Variants in INO80E observed in about 807,000 individuals in gnomAD.
INO80E encodes the protein INO80 complex subunit E, also known as coiled-coil domain containing 95.
In INO80E, 20 loss-of-function variants were observed where a neutral mutation model predicts 27.3. The observed-to-expected ratio is 0.73, with a 90% CI of 0.51 to 1.06. The LOEUF (loss-of-function observed/expected upper bound fraction) is 1.06, where lower values mean the gene tolerates loss of function less well. INO80E is among the 50% of genes least tolerant of loss of function. The pLI, the probability that INO80E is intolerant of heterozygous loss-of-function variation, is 0.00. For synonymous variants in INO80E, 167 were observed against 145.9 expected (o/e 1.14, Z -1.04); for missense variants, 357 against 322.8 (o/e 1.11, Z -0.81).
chr16:29,999,749 C>T (rs1355124440), intron 3 of INO80E, among the ~76,000 whole-genome samples: 1 of 152,136 alleles, frequency 6.6e-6, no homozygotes, highest in African/African-American at 2.4e-5. Flanking sequence ...TACATTGAAG[C>T]CAGATTAAGC....
Position 29,996,623 on chromosome 16 carries a change from G to A in INO80E, c.152+6G>A. On this transcript the variant is annotated splice_donor_region_variant and intron_variant, in intron 2 of 6. Transcript: ENST00000563197. Reference sequence around the variant, plus strand: ...AAGGTGTCCCGGGACAAGAGGTGAGGCACGTTGCAGGGGCGGAGGGCGATG... The same window carrying A: ...AAGGTGTCCCGGGACAAGAGGTGAGACACGTTGCAGGGGCGGAGGGCGATG... The A allele has an allele frequency of 6.3e-7, 1 of 1,581,604 alleles. No homozygotes were observed.
chr16:29,997,189 T>C (rs1475974489), intron 3 of INO80E, among the ~76,000 whole-genome samples: 2 of 152,160 alleles, frequency 1.3e-5, no homozygotes, highest in Non-Finnish European at 2.9e-5. Flanking sequence ...TTGAAGGTAA[T>C]GAAAACAGTT....
chr16:29,996,431 G>A, intron 1 of INO80E, 40 bp downstream of exon 1: 2 of 1,560,970 alleles, frequency 1.3e-6, no homozygotes, highest in Non-Finnish European at 1.7e-6. Flanking sequence ...GATGAGGCCT[G>A]GCGCGGACAA....
In INO80E at chr16:30,005,727, A is replaced by G; in HGVS notation, c.*285A>G. Reference sequence around the variant, plus strand: ...AGACCCTGCAATGGCCACCTCTTTAAAAGGGCAGCTGTACAGGGCTAGGTT... The same window carrying G: ...AGACCCTGCAATGGCCACCTCTTTAGAAGGGCAGCTGTACAGGGCTAGGTT... On this transcript the variant is annotated 3_prime_UTR_variant, in exon 7 of 7. Transcript: ENST00000563197. The G allele has an allele frequency of 2.0e-6, 1 of 511,946 alleles. No homozygotes were observed. Among genetic ancestry groups the G allele is most frequent in the Non-Finnish European group, 3.4e-6 (1 of 291,218 alleles). The allele number at this position is 511,946 out of a possible 1,614,324, so 31.7% of individuals were successfully genotyped here. A position where few individuals can be genotyped will look rare whatever the true frequency, so the allele number is the denominator to read the frequency against.
In INO80E at chr16:30,001,431, C is replaced by A. The variant is rs1445050817; in HGVS notation, c.414C>A (p.Tyr138Ter). ...GCCCGCAGCTGGCCTCCTCCCGCTA[C>A]CCCCCATTCCCTTCTGACTACCTGG... ...PYLSSLASSR[Y>*]PPFPSDYLAL... Residue 138 changes from tyrosine (Y) to a stop codon, truncating the protein, a stop_gained, in exon 6 of 7, where the codon TAC becomes TAA. Coordinates refer to ENST00000563197, the MANE Select transcript of INO80E (RefSeq NM_173618.3). LOFTEE classifies it high-confidence loss of function. 1.2e-6 allele frequency: 2 copies of A among 1,607,362 alleles called. No individual in the cohort carries two copies. Among genetic ancestry groups the A allele is most frequent in the Non-Finnish European group, 1.7e-6 (2 of 1,176,508 alleles).
chr16:29,997,214 A>C (rs1470420301), intron 3 of INO80E, among the ~76,000 whole-genome samples: 2 of 152,146 alleles, frequency 1.3e-5, no homozygotes, highest in Non-Finnish European at 2.9e-5. Flanking sequence ...GGTAATGATT[A>C]TAGTAGAACA....
chr16:29,996,931 CT>C, intron 3 of INO80E, 71 bp downstream of exon 3: 4 of 1,482,422 alleles, frequency 2.7e-6, no homozygotes, highest in Non-Finnish European at 3.8e-6. Flanking sequence ...GGGCCCCCGC[CT>C]TTTAGGCAGT....
At position 29,996,575 on chromosome 16, in the gene INO80E, G is replaced by A; in HGVS notation, c.110G>A (p.Arg37Lys). The change falls in exon 2 of 7, where the codon AGG becomes AAG. Residue 37 changes from arginine to lysine, a missense_variant. Arg to Lys is a conservative substitution (Grantham distance 26, BLOSUM62 2). Transcript: ENST00000563197. ...YEHECFQEEL[R>K]KAQRKLLKVS... ...CACGAGTGCTTCCAGGAGGAGCTGA[G>A]GAAAGCGCAAAGGAAATTACTGAAG... 6.4e-7 allele frequency: 1 copy of A among 1,573,864 alleles called. No individual in the cohort carries two copies. Among genetic ancestry groups the A allele is most frequent in the Non-Finnish European group, 8.6e-7 (1 of 1,159,716 alleles).
rs1001508254 is a variant in INO80E at position 30,001,116 on chromosome 16, G to A, written c.396+76G>A. 8.1e-5 allele frequency: 120 copies of A among 1,477,798 alleles called. No homozygotes were observed. The Middle Eastern group carries it at 1.1e-3, about 13-fold the overall frequency. 91.5% of individuals were successfully genotyped at this position (1,477,798 alleles called of 1,614,324 possible). A position where few individuals can be genotyped will look rare whatever the true frequency, so the allele number is the denominator to read the frequency against. ...TTGGGCAGAAGGGCTGGGCCTCGGG[G>A]CAAGGCCAGCCCAACTTTGGGGACA... On this transcript the variant is annotated intron_variant, in intron 5 of 6. Coordinates refer to ENST00000563197, the MANE Select transcript of INO80E (RefSeq NM_173618.3).
intron 6 of INO80E, 51 bp from the exon 7 acceptor site, chr16:30,005,170 G>GC: frequency 7.7e-6 from 11 of 1,426,410 alleles, no homozygotes; most frequent in Non-Finnish European, 1.0e-5. Flanking sequence ...GTCTCCTGAG[G>GC]CCCCAGTGCC....
rs1008036249 is a variant in INO80E, at chr16:30,003,927, A to AC, written c.514-1288dup. 4 of 151,248 alleles carry AC rather than the reference A, an allele frequency of 2.6e-5. No individual in the cohort carries two copies. In the East Asian group the frequency reaches 5.9e-4, roughly 22 times the overall value. The allele number at this position is 151,248 out of a possible 1,614,324, so 9.4% of individuals were successfully genotyped here. A position where few individuals can be genotyped will look rare whatever the true frequency, so the allele number is the denominator to read the frequency against. ...GCGTGGGGGTGCTGTTCAGAGTTGG[A>AC]CCCCCCATCATCCATCCTGCCAGCC... is the stretch of plus-strand genomic sequence containing the variant. On this transcript the variant is annotated intron_variant, in intron 6 of 6. Coordinates refer to ENST00000563197, the MANE Select transcript of INO80E (RefSeq NM_173618.3). This position sits in a 1 kb window ranked among gnomAD's most constrained non-coding sequence, Gnocchi z 4.4.
rs895041098 is a variant in INO80E, at chr16:30,005,396, A to T, written c.689A>T (p.Asp230Val). 6.6e-7 allele frequency: 1 copy of T among 1,518,860 alleles called. No homozygotes were observed. Among genetic ancestry groups the T allele is most frequent in the Non-Finnish European group, 8.9e-7 (1 of 1,123,208 alleles). The allele number at this position is 1,518,860 out of a possible 1,614,324, so 94.1% of individuals were successfully genotyped here. A position where few individuals can be genotyped will look rare whatever the true frequency, so the allele number is the denominator to read the frequency against. ...QMFSDAGSGD[D>V]ALDGDDDLVI... ...TTCAGCGATGCAGGTAGCGGGGACG[A>T]TGCCTTGGATGGAGACGATGACCTG... The change falls in exon 7 of 7, where the codon GAT becomes GTT. Residue 230 changes from aspartate (D) to valine (V), a missense_variant. Coordinates refer to ENST00000563197, the MANE Select transcript of INO80E (RefSeq NM_173618.3).
At chr16:30,000,021 A>G (rs1160529548) in intron 3 of INO80E, among the ~76,000 whole-genome samples, 9 of 152,176 alleles carry the variant, frequency 5.9e-5, no homozygotes, top group African/African-American at 1.4e-4. Context: ...AAGACTGCTC[A>G]GCTCAGAGGC....
chr16:30,001,604 G>A, intron 6 of INO80E, 74 bp downstream of exon 6: 5 of 1,400,762 alleles, frequency 3.6e-6, no homozygotes, highest in Non-Finnish European at 4.9e-6. Flanking sequence ...CTGAAGGCGG[G>A]GGCCTGTCAG....
rs764531081 is a variant in INO80E, at chr16:30,005,456, C to G, written c.*14C>G. On this transcript the variant is annotated 3_prime_UTR_variant, in exon 7 of 7. Transcript: ENST00000563197. ...ATCCCGGAGTGACCGTGACATCACG[C>G]CATGCCCACCACGGCCCCGCCCGGC... The G allele has an allele frequency of 6.3e-7, 1 of 1,584,642 alleles. No homozygotes were observed. Among genetic ancestry groups the G allele is most frequent in the Non-Finnish European group, 8.6e-7 (1 of 1,166,088 alleles).
At position 30,005,743 on chromosome 16, in the gene INO80E, G is replaced by T; in HGVS notation, c.*301G>T. 1 of 500,804 alleles carries T rather than the reference G, an allele frequency of 2.0e-6. No homozygotes were observed. The highest frequency in any genetic ancestry group is 2.5e-5 in the South Asian group (1 of 39,814). The allele number at this position is 500,804 out of a possible 1,614,324, so 31.0% of individuals were successfully genotyped here. ...ACCTCTTTAAAAGGGCAGCTGTACA[G>T]GGCTAGGTTTTTTCAATGAAGTTTC... On this transcript the variant is annotated 3_prime_UTR_variant, in exon 7 of 7. Transcript: ENST00000563197.
In INO80E at chr16:30,001,482, C is replaced by T; in HGVS notation, c.465C>T (p.Pro155=). The T allele has an allele frequency of 6.2e-7, 1 of 1,613,360 alleles. No individual in the cohort carries two copies. Among genetic ancestry groups the T allele is most frequent in the Admixed American group, 1.7e-5 (1 of 59,944 alleles). The change falls in exon 6 of 7, where the codon CCC becomes CCT. Residue 155 remains proline, a synonymous_variant. Coordinates refer to ENST00000563197, the MANE Select transcript of INO80E (RefSeq NM_173618.3). The part of the protein sequence containing the change: ...YLALQLPEPS[P]LRPKREKRPR... ...CCCTGCAGCTGCCCGAGCCCAGTCC[C>T]CTGAGGCCCAAGCGGGAGAAACGGC...
At chr16:30,000,898 C>T (rs1448216995) in intron 4 of INO80E, 31 bp from the exon 5 acceptor site, 16 of 1,610,790 alleles carry the variant, frequency 9.9e-6, no homozygotes, top group Non-Finnish European at 1.3e-5. Flanking sequence ...GGCTCCTAGC[C>T]ACATCTGACC....
intron 3 of INO80E, among the ~76,000 whole-genome samples, chr16:29,998,300 A>AG (rs1222793674): frequency 6.6e-6 from 1 of 152,024 alleles, no homozygotes; most frequent in Non-Finnish European, 1.5e-5. Flanking sequence ...CAAAAAAAAA[A>AG]AAAAAACAAA....
Sources: allele counts gnomAD v4.1 joint callset (sites outside exome capture counted in the v4.1 genomes callset), GRCh38; gene constraint gnomAD v4.1.1; non-coding constraint Gnocchi (gnomAD v3.1); transcripts MANE v1.5; gene names NCBI Gene and HGNC (gene_info 2026-07-23, HGNC 2026-07-21).